NIPA1: variants seen among roughly 807,000 people sequenced by gnomAD.
NIPA1 encodes magnesium transporter NIPA1.
Under a neutral mutation model 23.9 loss-of-function variants are expected in NIPA1, and 13 were observed. The observed-to-expected ratio is 0.54, with a 90% CI of 0.35 to 0.87. NIPA1 has a LOEUF of 0.87. Ranked by LOEUF, NIPA1 falls within the 40% of genes least tolerant of loss-of-function variation. NIPA1 has a pLI of 0.01. For synonymous variants in NIPA1, 234 were observed against 202.9 expected (o/e 1.15, Z -1.30); for missense variants, 362 against 429.7 (o/e 0.84, Z 1.39).
chr15:22,809,379 T>A (rs1895275139), intron 1 of NIPA1, among the ~76,000 whole-genome samples: 1 of 151,832 alleles, frequency 6.6e-6, no homozygotes, highest in African/African-American at 2.4e-5. Flanking sequence ...AGAGTGATAC[T>A]CCATCTCAAA....
At position 22,804,177 on chromosome 15, in the gene NIPA1, C is replaced by G. The variant is rs141883598; in HGVS notation, c.179-6572C>G. ...ATTTTTAGTAGAGACGGGGTTTCATCATGTTGGCCAGGCTGGTGTCGAACC... is the reference window on the plus strand; with the variant it reads ...ATTTTTAGTAGAGACGGGGTTTCATGATGTTGGCCAGGCTGGTGTCGAACC... On this transcript the variant is annotated intron_variant, in intron 1 of 4. Transcript: ENST00000337435. Among the ~76,000 whole-genome samples, 330 of 152,048 alleles carry G rather than the reference C, an allele frequency of 2.2e-3. 2 individuals are homozygous for G. The highest frequency in any genetic ancestry group is 7.6e-3 in the African/African-American group (313 of 41,452).
At chr15:22,816,550 G>C (rs112184337) in intron 3 of NIPA1, among the ~76,000 whole-genome samples, 3,659 of 123,160 alleles carry the variant, frequency 0.03, 159 homozygotes, top group African/African-American at 0.1. Context: ...GGAGTGCAGT[G>C]GTGTGCTGTC....
At chr15:22,810,596 A>G (rs1895298578) in intron 1 of NIPA1, among the ~76,000 whole-genome samples, 153 bp from the exon 2 acceptor site, 2 of 152,192 alleles carry the variant, frequency 1.3e-5, no homozygotes, top group South Asian at 2.1e-4. Flanking sequence ...CCATTTATAG[A>G]TGAAAGATTC....
chr15:22,812,814 T>C, intron 3 of NIPA1, among the ~76,000 whole-genome samples: 1 of 152,314 alleles, frequency 6.6e-6, no homozygotes, highest in East Asian at 1.9e-4. Flanking sequence ...GATGCTCTCA[T>C]TCTCCTGGTC....
intron 1 of NIPA1, among the ~76,000 whole-genome samples, chr15:22,802,608 A>G (rs1895108295): frequency 6.6e-6 from 1 of 152,042 alleles, no homozygotes; most frequent in South Asian, 2.1e-4. Flanking sequence ...TCTTAAAGGT[A>G]CAGTTTGATG....
At chr15:22,820,954 T>C (rs1192310843) in intron 4 of NIPA1, among the ~76,000 whole-genome samples, 1 of 151,838 alleles carries the variant, frequency 6.6e-6, no homozygotes, top group Non-Finnish European at 1.5e-5. Flanking sequence ...TGTTTATATA[T>C]CTTTTGACAT....
chr15:22,789,740 G>T (rs928697659), intron 1 of NIPA1, among the ~76,000 whole-genome samples: 4 of 152,120 alleles, frequency 2.6e-5, no homozygotes, highest in African/African-American at 7.2e-5. Flanking sequence ...TCAGAAGAAA[G>T]AATTTGGCTG....
In NIPA1 at chr15:22,825,007, C is replaced by T. The variant is rs941573038; in HGVS notation, c.*768C>T. 2 of 152,528 alleles carry T rather than the reference C, an allele frequency of 1.3e-5. No individual in the cohort carries two copies. Among genetic ancestry groups the T allele is most frequent in the African/African-American group, 4.8e-5 (2 of 41,408 alleles). The allele number at this position is 152,528 out of a possible 1,614,324, so 9.4% of individuals were successfully genotyped here. ...CTTTAATATTTCAATATTCAAGTTA[C>T]AAATGTATAAGGCAGTTAGAAATAA... is the stretch of plus-strand genomic sequence containing the variant. On this transcript the variant is annotated 3_prime_UTR_variant, in exon 5 of 5. Coordinates refer to ENST00000337435, the MANE Select transcript of NIPA1 (RefSeq NM_144599.5).
At chr15:22,807,261 A>T (rs946242938) in intron 1 of NIPA1, among the ~76,000 whole-genome samples, 4 of 152,188 alleles carry the variant, frequency 2.6e-5, no homozygotes, top group African/African-American at 9.7e-5. Context: ...TGTGATGATC[A>T]ATGTTGGGAT....
intron 4 of NIPA1, among the ~76,000 whole-genome samples, chr15:22,822,906 TG>T (rs1895568021): frequency 7.7e-6 from 1 of 129,664 alleles, no homozygotes; most frequent in Admixed American, 9.6e-5. Context: ...GAGCTGTAAA[TG>T]GTTTTTTTTT....
rs1895674459 is a variant in NIPA1, at chr15:22,827,405, G to A, written c.*3166G>A. The A allele has an allele frequency of 1.3e-5, 2 of 152,214 alleles. 1 individual carries two copies. Among genetic ancestry groups the A allele is most frequent in the Admixed American group, 1.3e-4 (2 of 15,286 alleles). The allele number at this position is 152,214 out of a possible 1,614,324, so 9.4% of individuals were successfully genotyped here. A position where few individuals can be genotyped will look rare whatever the true frequency, so the allele number is the denominator to read the frequency against. On this transcript the variant is annotated 3_prime_UTR_variant, in exon 5 of 5. Transcript: ENST00000337435. ...TGCCATCTCTGTGGAGAAGGTGCTG[G>A]GGAGGGAAGTCCTTCCAGTGCCACA...
chr15:22,812,224 C>T lies in NIPA1; in HGVS notation c.288C>T (p.Thr96=), dbSNP rs1337610115. 6.2e-7 allele frequency: 1 copy of T among 1,613,774 alleles called. No individual in the cohort carries two copies. ...AYTAVPTVLV[T]PLGALGVPFG... ...CGGCGGTCCCCACGGTCCTGGTAACCCCCCTGGGCGCCCTTGGAGTACCGT... is the reference window on the plus strand; with the variant it reads ...CGGCGGTCCCCACGGTCCTGGTAACTCCCCTGGGCGCCCTTGGAGTACCGT... The change falls in exon 3 of 5, where the codon ACC becomes ACT. Residue 96 remains threonine, a synonymous_variant. Transcript: ENST00000337435.
chr15:22,790,205 C>G (rs968719824), intron 1 of NIPA1, among the ~76,000 whole-genome samples: 1 of 152,138 alleles, frequency 6.6e-6, no homozygotes. Flanking sequence ...TTCATACTTC[C>G]CCAGTGACCA....
At chr15:22,794,939 C>G (rs1894910948) in intron 1 of NIPA1, among the ~76,000 whole-genome samples, 1 of 152,142 alleles carries the variant, frequency 6.6e-6, no homozygotes, top group African/African-American at 2.4e-5. Context: ...TTGCATTCCC[C>G]CCCATCCCAG....
chr15:22,810,727 T>A (rs1214460385), intron 1 of NIPA1, 22 bp from the exon 2 acceptor site: 3 of 1,563,216 alleles, frequency 1.9e-6, no homozygotes, highest in Non-Finnish European at 1.8e-6. Flanking sequence ...TTTTCTGACA[T>A]TTTTTATCTC....
intron 4 of NIPA1, among the ~76,000 whole-genome samples, chr15:22,822,627 G>C (rs1053624679): frequency 3.3e-5 from 5 of 152,138 alleles, no homozygotes; most frequent in Non-Finnish European, 7.3e-5. Context: ...TCAGGAGTTC[G>C]AGACCAGCCT....
chr15:22,805,731 T>C (rs1266382860), intron 1 of NIPA1, among the ~76,000 whole-genome samples: 1 of 152,112 alleles, frequency 6.6e-6, no homozygotes, highest in Non-Finnish European at 1.5e-5. Flanking sequence ...ATGTTACATC[T>C]TTTTTATACA....
chr15:22,804,372 C>T (rs543762307), intron 1 of NIPA1, among the ~76,000 whole-genome samples: 40 of 152,242 alleles, frequency 2.6e-4, no homozygotes, highest in Admixed American at 1.7e-3. Flanking sequence ...CCACCCGCCC[C>T]GGCCTCCTAA....
At chr15:22,799,534 G>A (rs889707439) in intron 1 of NIPA1, among the ~76,000 whole-genome samples, 2 of 152,002 alleles carry the variant, frequency 1.3e-5, no homozygotes, top group African/African-American at 2.4e-5. Flanking sequence ...TGTAATCCCA[G>A]CACTTTGGGA....
Sources: gnomAD v4.1 joint callset for allele counts (sites outside exome capture counted in the v4.1 genomes callset) on GRCh38, gnomAD v4.1.1 for gene constraint, MANE v1.5 for transcripts, NCBI Gene and HGNC (gene_info 2026-07-23, HGNC 2026-07-21) for gene names.